The following KCNMA1 variants were observed in gnomAD, a reference collection of about 807,000 sequenced individuals.
KCNMA1 encodes Calcium-activated potassium channel subunit alpha-1.
KCNMA1 carries 29 observed loss-of-function variants against 140.0 expected under a neutral mutation model. The ratio of observed to expected loss-of-function variants is 0.21; its 90% confidence interval spans 0.15 to 0.28. The LOEUF is 0.28. KCNMA1 is among the 10% of genes least tolerant of loss of function. The pLI, the probability that KCNMA1 is intolerant of heterozygous loss-of-function variation, is 1.00. For missense variants in KCNMA1, 880 were observed against 1,602.2 expected, an observed-to-expected ratio of 0.55 and a Z score of 7.70; for synonymous variants, 612 against 611.9, an observed-to-expected ratio of 1.00 and a Z score of 0.00.
intron 1 of KCNMA1, chr10:77,634,719 C>A: frequency 1.1e-6 from 1 of 891,430 alleles, no homozygotes; most frequent in Non-Finnish European, 1.3e-6. Context: ...CAAATACATG[C>A]CTGTGTATCG....
At chr10:77,235,657 C>T (rs954134222) in intron 3 of KCNMA1, among the ~76,000 whole-genome samples, 4 of 152,144 alleles carry the variant, frequency 2.6e-5, no homozygotes, top group African/African-American at 9.7e-5. Flanking sequence ...GAATAAATCG[C>T]TTCGTTTTCA....
At chr10:77,634,450 A>G (rs2093534800) in intron 1 of KCNMA1, 1 of 985,460 alleles carries the variant, frequency 1.0e-6, no homozygotes, top group Non-Finnish European at 1.2e-6. Context: ...GCATGTCCAC[A>G]GTCTTGGGTT....
At chr10:77,382,885 A>AAAT (rs1555265196) in intron 2 of KCNMA1, among the ~76,000 whole-genome samples, 2 of 91,300 alleles carry the variant, frequency 2.2e-5, no homozygotes, top group African/African-American at 9.6e-5. Flanking sequence ...AAAAAAAAAA[A>AAAT]ATATATATAT....
intron 1 of KCNMA1, among the ~76,000 whole-genome samples, chr10:77,451,001 G>C (rs1017659877): frequency 6.6e-6 from 1 of 152,146 alleles, no homozygotes; most frequent in Non-Finnish European, 1.5e-5. Flanking sequence ...TGTAAGATGT[G>C]ACTTTGCTCC....
chr10:76,994,560 C>G (rs1410260556), intron 19 of KCNMA1, among the ~76,000 whole-genome samples: 1 of 152,140 alleles, frequency 6.6e-6, no homozygotes, highest in Non-Finnish European at 1.5e-5. Flanking sequence ...GGGAGTGACC[C>G]CATGCTCAGA....
At chr10:77,317,514 G>T (rs931567242) in intron 2 of KCNMA1, among the ~76,000 whole-genome samples, 3 of 152,210 alleles carry the variant, frequency 2.0e-5, no homozygotes, top group African/African-American at 4.8e-5. Context: ...ATCCACACTC[G>T]CAGAGGGAGA....
At position 77,446,998 on chromosome 10, in the gene KCNMA1, C is replaced by T. The variant is rs142588674; in HGVS notation, c.379-42975G>A. 8.6e-4 allele frequency among the ~76,000 whole-genome samples: 131 copies of T among 152,344 alleles called. 1 individual carries two copies. Among genetic ancestry groups the T allele is most frequent in the African/African-American group, 3.0e-3 (126 of 41,588 alleles). ...CAAGCTCCTCATCAAGCTCTGCATG[C>T]CATGGAGATGTGCTGCCCCCAACCT... On this transcript the variant is annotated intron_variant, in intron 1 of 27. Transcript: ENST00000286628.
intron 2 of KCNMA1, among the ~76,000 whole-genome samples, chr10:77,303,731 T>A (rs1395391466): frequency 6.6e-6 from 1 of 152,134 alleles, no homozygotes; most frequent in Admixed American, 6.5e-5. Flanking sequence ...AGGAAGTCAG[T>A]TAGAAATGTG....
At chr10:77,392,833 C>G (rs761999503) in intron 2 of KCNMA1, among the ~76,000 whole-genome samples, 1 of 152,192 alleles carries the variant, frequency 6.6e-6, no homozygotes, top group Non-Finnish European at 1.5e-5. Flanking sequence ...ATGTGCCCTC[C>G]GAAACCAGCC....
At chr10:77,210,217 C>T (rs914833895) in intron 3 of KCNMA1, among the ~76,000 whole-genome samples, 1 of 152,134 alleles carries the variant, frequency 6.6e-6, no homozygotes, top group Admixed American at 6.6e-5. Flanking sequence ...TAATTCACCA[C>T]AAACCAAGTA....
At chr10:77,187,337 C>T (rs1008142157) in intron 3 of KCNMA1, among the ~76,000 whole-genome samples, 1 of 152,178 alleles carries the variant, frequency 6.6e-6, no homozygotes, top group African/African-American at 2.4e-5. Context: ...TTTCTGTCAT[C>T]CCTCCTCATA....
intron 3 of KCNMA1, among the ~76,000 whole-genome samples, chr10:77,238,217 C>T (rs2056215331): frequency 6.6e-6 from 1 of 152,198 alleles, no homozygotes; most frequent in Admixed American, 6.5e-5. Context: ...ACACTCACCT[C>T]TTCCTCTCCA....
intron 23 of KCNMA1, among the ~76,000 whole-genome samples, chr10:76,924,951 G>A (rs1394072502): frequency 6.6e-6 from 1 of 152,062 alleles, no homozygotes; most frequent in Non-Finnish European, 1.5e-5. Flanking sequence ...GCCCATCCCT[G>A]CTCCCACCAG....
intron 22 of KCNMA1, among the ~76,000 whole-genome samples, chr10:76,945,503 A>G (rs1396904651): frequency 6.6e-6 from 1 of 152,192 alleles, no homozygotes; most frequent in African/African-American, 2.4e-5. Context: ...TTTGGAGGCT[A>G]TGGATGGAGT....
At chr10:77,365,727 C>T (rs2094307869) in intron 2 of KCNMA1, among the ~76,000 whole-genome samples, 1 of 152,218 alleles carries the variant, frequency 6.6e-6, no homozygotes, top group African/African-American at 2.4e-5. Context: ...CCGCTGACTT[C>T]CCAAATGAGT....
At chr10:77,004,538 A>T (rs1235546226) in intron 18 of KCNMA1, among the ~76,000 whole-genome samples, 1 of 152,196 alleles carries the variant, frequency 6.6e-6, no homozygotes, top group Non-Finnish European at 1.5e-5. Flanking sequence ...ACTGGCCAGG[A>T]AGAGCTCTCC....
intron 24 of KCNMA1, 59 bp downstream of exon 24, chr10:76,914,877 T>C (rs2052091171): frequency 8.1e-7 from 1 of 1,227,010 alleles, no homozygotes; most frequent in Middle Eastern, 1.9e-4. Flanking sequence ...CCTCCTCATA[T>C]CCTGTATGGT....
At chr10:77,273,667 C>G (rs1158321790) in intron 2 of KCNMA1, among the ~76,000 whole-genome samples, 2 of 152,148 alleles carry the variant, frequency 1.3e-5, no homozygotes, top group African/African-American at 4.8e-5. Context: ...GAGGAGAGGA[C>G]AGTCCTTCAG....
At chr10:77,395,660 T>C (rs529838989) in intron 2 of KCNMA1, among the ~76,000 whole-genome samples, 2 of 152,330 alleles carry the variant, frequency 1.3e-5, no homozygotes, top group East Asian at 3.9e-4. Flanking sequence ...CTATCCAAGT[T>C]CCCAGGGAAC....
Sources: gnomAD v4.1 joint callset for allele counts (sites outside exome capture counted in the v4.1 genomes callset) on GRCh38, gnomAD v4.1.1 for gene constraint, MANE v1.5 for transcripts, NCBI Gene and HGNC (gene_info 2026-07-23, HGNC 2026-07-21) for gene names.